SNX7: variants seen among roughly 807,000 people sequenced by gnomAD.
SNX7 encodes the protein sorting nexin 7.
In SNX7, 35 loss-of-function variants were observed where a neutral mutation model predicts 48.4. The ratio of observed to expected loss-of-function variants is 0.72; its 90% confidence interval spans 0.55 to 0.96. The LOEUF is 0.96. Ranked by LOEUF, SNX7 falls within the 40% of genes least tolerant of loss-of-function variation. The pLI is 0.00. For synonymous variants in SNX7, 190 were observed against 190.2 expected (o/e 1.00, Z 0.01); for missense variants, 553 against 548.9 (o/e 1.01, Z -0.07).
chr1:98,704,531 A>C (rs1651919168), intron 7 of SNX7, among the ~76,000 whole-genome samples: 1 of 152,170 alleles, frequency 6.6e-6, no homozygotes, highest in Non-Finnish European at 1.5e-5. Flanking sequence ...AGTTACTCTA[A>C]AAATGAACCG....
intron 1 of SNX7, among the ~76,000 whole-genome samples, chr1:98,672,752 G>A (rs1403860750): frequency 4.7e-5 from 7 of 149,038 alleles, no homozygotes; most frequent in Non-Finnish European, 8.9e-5. Flanking sequence ...GTGAAACCCC[G>A]TCTCTACTAA....
At chr1:98,698,616 G>A (rs1277373712) in intron 5 of SNX7, 90 bp from the exon 6 acceptor site, 1 of 1,131,882 alleles carries the variant, frequency 8.8e-7, no homozygotes, top group South Asian at 1.6e-5. Flanking sequence ...CACTGTGAGA[G>A]AAATAAGGCC....
At chr1:98,690,744 C>T (rs904158782) in intron 2 of SNX7, among the ~76,000 whole-genome samples, 1 of 152,156 alleles carries the variant, frequency 6.6e-6, no homozygotes, top group Middle Eastern at 3.4e-3. Flanking sequence ...AACACACTTG[C>T]TTGTTAGCAA....
At position 98,741,353 on chromosome 1, in the gene SNX7, TATC is replaced by T. The variant is rs1654058845; in HGVS notation, c.1278+2967_1278+2969del. 2.6e-5 allele frequency among the ~76,000 whole-genome samples: 4 copies of T among 152,304 alleles called. No homozygotes were observed. In the South Asian group the frequency reaches 6.2e-4, roughly 24 times the overall value. ...TGGGTCTGTATCCAACTCCAGTTATTATCATATTGTGCAATAATTGTGTCATGT... is the reference window on the plus strand; with the variant it reads ...TGGGTCTGTATCCAACTCCAGTTATTATATTGTGCAATAATTGTGTCATGT... On this transcript the variant is annotated intron_variant, in intron 8 of 8. Transcript: ENST00000306121.
chr1:98,697,192 A>C (rs972250538), intron 5 of SNX7, among the ~76,000 whole-genome samples: 3 of 152,128 alleles, frequency 2.0e-5, no homozygotes, highest in African/African-American at 7.2e-5. Context: ...TCATTATTTA[A>C]CATAAAGACA....
chr1:98,679,044 T>C (rs1475749765), intron 1 of SNX7, among the ~76,000 whole-genome samples: 1 of 152,178 alleles, frequency 6.6e-6, no homozygotes, highest in Non-Finnish European at 1.5e-5. Context: ...ACACTATTAA[T>C]GTGTTTTCAC....
chr1:98,661,773 C>A lies in SNX7; in HGVS notation c.42C>A (p.Gly14=), dbSNP rs1169522963. 8.1e-7 allele frequency: 1 copy of A among 1,241,904 alleles called. No individual in the cohort carries two copies. The highest frequency in any genetic ancestry group is 3.2e-5 in the East Asian group (1 of 31,536). 76.9% of individuals were successfully genotyped at this position (1,241,904 alleles called of 1,614,324 possible). A position where few individuals can be genotyped will look rare whatever the true frequency, so the allele number is the denominator to read the frequency against. ...ERRASQAPSS[G]LPAGGANGES... is the part of the protein sequence containing the mutation. Reference sequence around the variant, plus strand: ...GGGCATCGCAGGCGCCCTCCTCGGGCCTCCCGGCCGGGGGCGCCAACGGGG... The same window carrying A: ...GGGCATCGCAGGCGCCCTCCTCGGGACTCCCGGCCGGGGGCGCCAACGGGG... The change falls in exon 1 of 9, where the codon GGC becomes GGA. Residue 14 remains glycine, a synonymous_variant. Coordinates refer to ENST00000306121, the MANE Select transcript of SNX7 (RefSeq NM_015976.5).
chr1:98,737,789 G>A (rs775118113), intron 7 of SNX7, among the ~76,000 whole-genome samples: 3 of 152,160 alleles, frequency 2.0e-5, no homozygotes, highest in Non-Finnish European at 2.9e-5. Context: ...CTCTCAGTTA[G>A]TTGAGGCTTC....
In SNX7 at chr1:98,760,314, G is replaced by C. The variant is rs1655050831; in HGVS notation, c.*183G>C. The C allele has an allele frequency of 1.7e-6, 1 of 571,678 alleles. No individual in the cohort carries two copies. The highest frequency in any genetic ancestry group is 3.1e-6 in the Non-Finnish European group (1 of 320,098). The allele number at this position is 571,678 out of a possible 1,614,324, so 35.4% of individuals were successfully genotyped here. On this transcript the variant is annotated 3_prime_UTR_variant, in exon 9 of 9. Transcript: ENST00000306121. ...CATGAATTTGAAGATATATCTATCT[G>C]TATGGATATATATCTATATGTATAT...
At chr1:98,686,225 G>C (rs1175956182) in intron 2 of SNX7, among the ~76,000 whole-genome samples, 1 of 151,986 alleles carries the variant, frequency 6.6e-6, no homozygotes, top group Non-Finnish European at 1.5e-5. Flanking sequence ...TTCTTCCTCT[G>C]TTTTCTCATA....
At chr1:98,676,099 A>G (rs1413300388) in intron 1 of SNX7, among the ~76,000 whole-genome samples, 1 of 151,848 alleles carries the variant, frequency 6.6e-6, no homozygotes, top group African/African-American at 2.4e-5. Flanking sequence ...TTTTTTTAAT[A>G]GCTGCTAAAT....
At chr1:98,693,183 T>C (rs1194414535) in intron 4 of SNX7, among the ~76,000 whole-genome samples, 2 of 151,972 alleles carry the variant, frequency 1.3e-5, no homozygotes, top group Non-Finnish European at 2.9e-5. Flanking sequence ...GATGGATGGA[T>C]GGATGGATGG....
intron 2 of SNX7, among the ~76,000 whole-genome samples, chr1:98,686,270 AAG>A (rs1557796609): frequency 6.6e-6 from 1 of 152,174 alleles, no homozygotes; most frequent in Non-Finnish European, 1.5e-5. Flanking sequence ...TGTAAAACAT[AAG>A]AGTCAATATA....
intron 1 of SNX7, among the ~76,000 whole-genome samples, chr1:98,679,121 A>G (rs1157454003): frequency 6.6e-6 from 1 of 152,170 alleles, no homozygotes; most frequent in African/African-American, 2.4e-5. Context: ...TGGACTTACA[A>G]TTCTGCATGG....
At chr1:98,727,555 G>A (rs188864401) in intron 7 of SNX7, among the ~76,000 whole-genome samples, 184 of 152,248 alleles carry the variant, frequency 1.2e-3, no homozygotes, top group Non-Finnish European at 2.2e-3. Flanking sequence ...AGACGTTTCA[G>A]AAGGTGGGTA....
intron 8 of SNX7, among the ~76,000 whole-genome samples, chr1:98,756,048 A>G (rs1390360791): frequency 2.6e-5 from 4 of 151,590 alleles, no homozygotes; most frequent in South Asian, 4.2e-4. Flanking sequence ...TTCATTTTAC[A>G]TCTCTTTGTG....
At chr1:98,750,752 C>G (rs980953508) in intron 8 of SNX7, among the ~76,000 whole-genome samples, 1 of 152,028 alleles carries the variant, frequency 6.6e-6, no homozygotes, top group Non-Finnish European at 1.5e-5. Context: ...ATGTTGGCTA[C>G]TAGTAGTACT....
At chr1:98,722,333 T>G (rs1188999560) in intron 7 of SNX7, among the ~76,000 whole-genome samples, 2 of 152,140 alleles carry the variant, frequency 1.3e-5, no homozygotes, top group Admixed American at 1.3e-4. Context: ...TAAGCAGCAT[T>G]GTATAATCAA....
chr1:98,701,784 C>T, intron 6 of SNX7, 33 bp from the exon 7 acceptor site: 7 of 1,420,128 alleles, frequency 4.9e-6, no homozygotes, highest in Non-Finnish European at 6.8e-6. Context: ...AAACTAAGTA[C>T]AGCCTATTTT....
Sources: gnomAD v4.1 joint callset for allele counts (sites outside exome capture counted in the v4.1 genomes callset) on GRCh38, gnomAD v4.1.1 for gene constraint, MANE v1.5 for transcripts, NCBI Gene and HGNC (gene_info 2026-07-23, HGNC 2026-07-21) for gene names.